PLCE1: variants seen among roughly 807,000 people sequenced by gnomAD.
The protein encoded by PLCE1 is 1-phosphatidylinositol 4,5-bisphosphate phosphodiesterase epsilon-1.
PLCE1 carries 119 observed loss-of-function variants against 242.8 expected under a neutral mutation model. That is an observed-to-expected ratio of 0.49 (90% CI 0.42 to 0.57). The LOEUF (loss-of-function observed/expected upper bound fraction) is 0.57. PLCE1 is among the 20% of genes least tolerant of loss of function. The probability of loss-of-function intolerance (pLI) is 0.00; values close to 1 mark genes in which losing one functional copy is unlikely to be tolerated. For missense variants in PLCE1, 2,441 were observed against 2,788.8 expected (o/e 0.88, Z 2.81); for synonymous variants, 945 against 1,017.4 (o/e 0.93, Z 1.35).
intron 29 of PLCE1, among the ~76,000 whole-genome samples, chr10:94,319,575 T>C (rs937062000): frequency 6.6e-6 from 1 of 152,140 alleles, no homozygotes; most frequent in African/African-American, 2.4e-5. Context: ...CCTCTTCTGT[T>C]ACTGGATTTG....
chr10:94,160,222 T>G (rs1255136722), intron 3 of PLCE1, among the ~76,000 whole-genome samples: 1 of 152,194 alleles, frequency 6.6e-6, no homozygotes, highest in Non-Finnish European at 1.5e-5. Flanking sequence ...TGAACTAGTT[T>G]ACAGTCCCAC....
intron 1 of PLCE1, among the ~76,000 whole-genome samples, chr10:94,010,299 T>C (rs1354004578): frequency 2.6e-5 from 4 of 152,188 alleles, no homozygotes; most frequent in Non-Finnish European, 4.4e-5. Context: ...ATGGCAGGAG[T>C]GTCCAGGGTC....
intron 5 of PLCE1, among the ~76,000 whole-genome samples, chr10:94,232,343 G>A (rs138472403): frequency 1.3e-5 from 2 of 152,084 alleles, no homozygotes; most frequent in African/African-American, 2.4e-5. Flanking sequence ...CCTTCCTTAC[G>A]TTTCACAACC....
intron 22 of PLCE1, among the ~76,000 whole-genome samples, chr10:94,288,434 A>AC (rs1300869530): frequency 1.3e-5 from 2 of 152,122 alleles, no homozygotes; most frequent in African/African-American, 4.8e-5. Context: ...AGCCTTTCTC[A>AC]CTCAAAAGTG....
intron 2 of PLCE1, chr10:94,108,699 TG>T (rs2045846816): frequency 6.6e-6 from 1 of 152,176 alleles, no homozygotes; most frequent in Non-Finnish European, 1.5e-5. Flanking sequence ...GGAAGAGACT[TG>T]GGCTTCTGCT....
intron 27 of PLCE1, among the ~76,000 whole-genome samples, chr10:94,311,755 G>C (rs1054800305): frequency 6.6e-6 from 1 of 152,070 alleles, no homozygotes; most frequent in East Asian, 1.9e-4. Flanking sequence ...TCCTCATCTA[G>C]GGCATCCCAA....
chr10:94,064,434 C>G (rs2044144035), intron 2 of PLCE1, among the ~76,000 whole-genome samples: 1 of 152,052 alleles, frequency 6.6e-6, no homozygotes, highest in African/African-American at 2.4e-5. Flanking sequence ...CCCAACTACT[C>G]AGGAGGCTGA....
intron 4 of PLCE1, among the ~76,000 whole-genome samples, chr10:94,204,685 TACACAGGAAGAA>T (rs2049090055): frequency 9.8e-6 from 1 of 101,610 alleles, no homozygotes; most frequent in South Asian, 2.9e-4. Flanking sequence ...GAAAGAAAGA[TACACAGGAAGAA>T]AGAAAGGAAG....
intron 1 of PLCE1, among the ~76,000 whole-genome samples, chr10:94,019,594 T>A (rs1383294943): frequency 1.3e-5 from 2 of 152,204 alleles, no homozygotes; most frequent in Non-Finnish European, 2.9e-5. Flanking sequence ...ATATCTCCGC[T>A]GTCCAATATG....
intron 2 of PLCE1, chr10:94,105,991 A>G (rs2045718217): frequency 6.6e-6 from 1 of 152,220 alleles, no homozygotes; most frequent in Non-Finnish European, 1.5e-5. Flanking sequence ...CATTTTACAA[A>G]TAAGGCAATT....
chr10:94,239,299 G>A (rs902626400), intron 7 of PLCE1, among the ~76,000 whole-genome samples: 5 of 152,136 alleles, frequency 3.3e-5, no homozygotes, highest in Non-Finnish European at 5.9e-5. Context: ...TCACGGGGGC[G>A]GTTTCTCCCA....
At chr10:94,087,857 C>A (rs900319341) in intron 2 of PLCE1, among the ~76,000 whole-genome samples, 1 of 152,216 alleles carries the variant, frequency 6.6e-6, no homozygotes, top group African/African-American at 2.4e-5. Context: ...TGATACTTAC[C>A]CCTACATTTG....
intron 23 of PLCE1, among the ~76,000 whole-genome samples, chr10:94,294,464 A>G (rs1348453515): frequency 6.6e-6 from 1 of 152,190 alleles, no homozygotes; most frequent in Admixed American, 6.5e-5. Context: ...TCCAAATGGG[A>G]TACAGGCATA....
At chr10:94,214,516 C>A (rs1194264926) in intron 4 of PLCE1, among the ~76,000 whole-genome samples, 2 of 152,030 alleles carry the variant, frequency 1.3e-5, no homozygotes, top group African/African-American at 4.8e-5. Flanking sequence ...CTACCAGTGT[C>A]CAGTGGGGCC....
At chr10:94,127,447 C>T (rs1420704927) in intron 2 of PLCE1, among the ~76,000 whole-genome samples, 5 of 152,276 alleles carry the variant, frequency 3.3e-5, no homozygotes, top group Admixed American at 6.5e-5. Context: ...CTAGTTCAGG[C>T]TTCTTCACAT....
At chr10:94,045,354 T>G (rs927311879) in intron 2 of PLCE1, among the ~76,000 whole-genome samples, 1 of 152,166 alleles carries the variant, frequency 6.6e-6, no homozygotes, top group African/African-American at 2.4e-5. Flanking sequence ...CAGGTTTGTC[T>G]CAAGCTCCTG....
intron 1 of PLCE1, among the ~76,000 whole-genome samples, chr10:94,010,272 G>A (rs1290851495): frequency 4.6e-5 from 7 of 152,228 alleles, no homozygotes; most frequent in African/African-American, 7.2e-5. Flanking sequence ...TGGGGCAGCC[G>A]TGTCCTGAGG....
intron 2 of PLCE1, among the ~76,000 whole-genome samples, chr10:94,087,911 G>A (rs1043488401): frequency 6.6e-6 from 1 of 152,212 alleles, no homozygotes; most frequent in East Asian, 1.9e-4. Flanking sequence ...TAGGCCAGGA[G>A]CTCGGATACT....
intron 1 of PLCE1, among the ~76,000 whole-genome samples, chr10:94,005,380 G>A (rs138882823): frequency 8.5e-5 from 13 of 152,264 alleles, no homozygotes; most frequent in Admixed American, 1.3e-4. Context: ...TTTGTTACTC[G>A]TTTTGAAATT....
Sources: gnomAD v4.1 joint callset for allele counts (sites outside exome capture counted in the v4.1 genomes callset) on GRCh38, gnomAD v4.1.1 for gene constraint, MANE v1.5 for transcripts, NCBI Gene and HGNC (gene_info 2026-07-23, HGNC 2026-07-21) for gene names.